TESMIN: variants seen among roughly 807,000 people sequenced by gnomAD.
The protein encoded by TESMIN is CXC domain containing 2.
A neutral mutation model predicts 47.4 loss-of-function variants in TESMIN; 34 were observed. The ratio of observed to expected loss-of-function variants is 0.72; its 90% CI spans 0.55 to 0.96. The LOEUF (loss-of-function observed/expected upper bound fraction) is 0.96. TESMIN is among the 40% of genes least tolerant of loss of function. TESMIN has a pLI of 0.00. For synonymous variants in TESMIN, 278 were observed against 258.9 expected (o/e 1.07, Z -0.71); for missense variants, 610 against 637.2 (o/e 0.96, Z 0.46).
chr11:68,737,612 C>A, intron 6 of TESMIN: 1 of 985,732 alleles, frequency 1.0e-6, no homozygotes, highest in Non-Finnish European at 1.2e-6. Flanking sequence ...TTGCCTTAGA[C>A]TGTGGGCCCA....
At chr11:68,706,409 G>T (rs530106039), downstream of TESMIN, among the ~76,000 whole-genome samples, 42 of 152,328 alleles carry the variant, frequency 2.8e-4, no homozygotes, top group Non-Finnish European at 4.4e-4. Flanking sequence ...TGTGCAAAGT[G>T]GGGGGCCTGT....
intron 2 of TESMIN, among the ~76,000 whole-genome samples, chr11:68,749,988 G>A (rs1453517981): frequency 6.6e-6 from 1 of 152,178 alleles, no homozygotes; most frequent in African/African-American, 2.4e-5. Context: ...AGGGGAAAGG[G>A]CTTGGCTGGG....
intron 6 of TESMIN, 66 bp from the exon 7 acceptor site, chr11:68,716,005 A>G: frequency 9.4e-7 from 1 of 1,062,214 alleles, no homozygotes. Context: ...AAAGAAGAGC[A>G]CACACGTGTA....
In TESMIN at chr11:68,743,111, C is replaced by G. The variant is rs576914038; in HGVS notation, c.752-717G>C. On this transcript the variant is annotated intron_variant, in intron 4 of 9. Coordinates refer to ENST00000255087, the MANE Select transcript of TESMIN (RefSeq NM_004923.3). Reference sequence around the variant, plus strand: ...CAGACTGGTCTTCAACTACTGGGCTCGAGCAATCCTCCGGCCTGGCCTCAC... The same window carrying G: ...CAGACTGGTCTTCAACTACTGGGCTGGAGCAATCCTCCGGCCTGGCCTCAC... Among the ~76,000 whole-genome samples, 27 of 152,242 alleles carry G rather than the reference C, an allele frequency of 1.8e-4. No homozygotes were observed. The South Asian group carries it at 3.7e-3, about 21-fold the overall frequency.
At chr11:68,733,605 T>C (rs1292621105) in intron 6 of TESMIN, 2 of 152,240 alleles carry the variant, frequency 1.3e-5, no homozygotes, top group Non-Finnish European at 2.9e-5. Flanking sequence ...TACTGACTTC[T>C]AAGTAACCTT....
chr11:68,713,495 T>C, intron 7 of TESMIN, 88 bp from the exon 8 acceptor site: 1 of 1,450,086 alleles, frequency 6.9e-7, no homozygotes, highest in Non-Finnish European at 9.5e-7. Flanking sequence ...ATCTGATTGT[T>C]GTAAAAGATG....
rs79377054 is a variant in TESMIN at position 68,720,575 on chromosome 11, C to T, written c.918-4636G>A. On this transcript the variant is annotated intron_variant, in intron 6 of 9. Coordinates refer to ENST00000255087, the MANE Select transcript of TESMIN (RefSeq NM_004923.3). ...TCAGAAATCTCTATCTTCAATTCAGCGTGTCCACCCCTTCACCCACGGTCT... is the reference window on the plus strand; with the variant it reads ...TCAGAAATCTCTATCTTCAATTCAGTGTGTCCACCCCTTCACCCACGGTCT... 9.7e-3 allele frequency among the ~76,000 whole-genome samples: 1,477 copies of T among 152,252 alleles called. 23 individuals are homozygous for T. The highest frequency in any genetic ancestry group is 0.034 in the African/African-American group (1,418 of 41,536).
intron 6 of TESMIN, 42 bp from the exon 7 acceptor site, chr11:68,715,981 A>G: frequency 7.5e-7 from 1 of 1,326,138 alleles, no homozygotes; most frequent in Non-Finnish European, 1.1e-6. Context: ...CACAGACGGC[A>G]CAGTGAGTAG....
In TESMIN at chr11:68,738,728, G is replaced by T. The variant is rs373371334; in HGVS notation, c.889C>A (p.Pro297Thr). The T allele has an allele frequency of 5.6e-6, 9 of 1,613,940 alleles. No individual in the cohort carries two copies. In the African/African-American group the frequency reaches 9.3e-5, roughly 17 times the overall value. Residue 297 changes from proline to threonine, a missense_variant, in exon 6 of 10, where the codon CCA becomes ACA. Pro to Thr is a conservative substitution (Grantham distance 38). Coordinates refer to ENST00000255087, the MANE Select transcript of TESMIN (RefSeq NM_004923.3). Reference sequence around the variant, plus strand: ...GCCAAAGTTATTTTTGGTGGTCCTGGAAGAGTTGATCCCGAGGGGAAAGCA... The same window carrying T: ...GCCAAAGTTATTTTTGGTGGTCCTGTAAGAGTTGATCCCGAGGGGAAAGCA... ...GSAFPSGSTL[P>T]GPPKITLAGY...
At chr11:68,734,537 T>C (rs1946364876) in intron 6 of TESMIN, among the ~76,000 whole-genome samples, 1 of 152,208 alleles carries the variant, frequency 6.6e-6, no homozygotes, top group Non-Finnish European at 1.5e-5. Flanking sequence ...TCTAAACGAA[T>C]ATAGCATTTA....
At chr11:68,736,880 G>C in intron 6 of TESMIN, 1 of 985,494 alleles carries the variant, frequency 1.0e-6, no homozygotes, top group South Asian at 4.7e-5. Flanking sequence ...AGAAATAGCT[G>C]CCCTGAAAAC....
Position 68,742,376 on chromosome 11 carries a change from G to A in TESMIN, c.770C>T (p.Thr257Ile), listed in dbSNP as rs922648328. The A allele has an allele frequency of 3.8e-6, 6 of 1,598,442 alleles. No homozygotes were observed. The highest frequency in any genetic ancestry group is 3.4e-6 in the Non-Finnish European group (4 of 1,168,464). The change falls in exon 5 of 10, where the codon ACT becomes ATT. Residue 257 changes from threonine (T) to isoleucine (I), a missense_variant. Transcript: ENST00000255087. ...YLQSDVPKPM[T>I]ALVGRFLPAS... ...TGGCAAAAATCTCCCTACTAAAGCA[G>A]TCATTGGTTTAGGGACATCTGTAAG...
intron 8 of TESMIN, among the ~76,000 whole-genome samples, chr11:68,712,392 A>C (rs891664123): frequency 6.6e-6 from 1 of 152,182 alleles, no homozygotes; most frequent in African/African-American, 2.4e-5. Context: ...CTTTCAGTGC[A>C]TGTCTCCAGA....
At chr11:68,722,874 T>C (rs1408923971) in intron 6 of TESMIN, among the ~76,000 whole-genome samples, 6 of 152,196 alleles carry the variant, frequency 3.9e-5, no homozygotes, top group Non-Finnish European at 7.3e-5. Context: ...GTAGCAATCA[T>C]GAATTTGTAT....
intron 6 of TESMIN, among the ~76,000 whole-genome samples, chr11:68,719,040 G>A (rs555178783): frequency 1.3e-5 from 2 of 152,302 alleles, no homozygotes; most frequent in Non-Finnish European, 2.9e-5. Flanking sequence ...CAGGAGTCAG[G>A]AGCCCAAACA....
At chr11:68,741,928 A>T (rs112875123) in intron 5 of TESMIN, among the ~76,000 whole-genome samples, 195 of 152,380 alleles carry the variant, frequency 1.3e-3, no homozygotes, top group Middle Eastern at 0.01. Context: ...TAATATACAC[A>T]TATCATGGTG....
At chr11:68,717,647 T>G (rs905849548) in intron 6 of TESMIN, among the ~76,000 whole-genome samples, 4 of 152,180 alleles carry the variant, frequency 2.6e-5, no homozygotes, top group Non-Finnish European at 5.9e-5. Context: ...AGGAAAGAGC[T>G]GGGAAGGAGC....
At chr11:68,739,677 G>C (rs1594299567) in intron 5 of TESMIN, among the ~76,000 whole-genome samples, 1 of 152,136 alleles carries the variant, frequency 6.6e-6, no homozygotes, top group Non-Finnish European at 1.5e-5. Flanking sequence ...CACTGAGAAA[G>C]CCTCCTGGGT....
Position 68,708,455 on chromosome 11 carries a change from G to T in TESMIN, c.1380C>A (p.Cys460Ter). 6.2e-7 allele frequency: 1 copy of T among 1,613,710 alleles called. No homozygotes were observed. Residue 460 changes from cysteine to a stop codon, truncating the protein, a stop_gained, in exon 10 of 10, where the codon TGC becomes TGA. Transcript: ENST00000255087. LOFTEE classifies it low-confidence loss of function (END_TRUNC). The part of the protein sequence containing the change: ...CISWEVVEAT[C>*]ACLLAQGEEA... ...CTTCTCCCTGAGCAAGCAGGCAGGC[G>T]CATGTGGCCTCCACCACCTCCCAGG... is the stretch of plus-strand genomic sequence containing the variant.
Sources: allele counts gnomAD v4.1 joint callset (sites outside exome capture counted in the v4.1 genomes callset), GRCh38; gene constraint gnomAD v4.1.1; transcripts MANE v1.5; gene names NCBI Gene and HGNC (gene_info 2026-07-23, HGNC 2026-07-21).